KCNQ5: variants seen among roughly 807,000 people sequenced by gnomAD.
KCNQ5 encodes the protein potassium voltage-gated channel subfamily Q member 5, also known as potassium voltage-gated channel subfamily KQT member 5.
A neutral mutation model predicts 98.2 loss-of-function variants in KCNQ5; 30 were observed. The observed-to-expected ratio is 0.31, with a 90% CI of 0.23 to 0.41. The LOEUF is 0.41. Ranked by LOEUF, KCNQ5 falls within the 10% of genes least tolerant of loss-of-function variation. The pLI is 1.00. For missense variants in KCNQ5, 835 were observed against 1,182.5 expected, an observed-to-expected ratio of 0.71 and a Z score of 4.31; for synonymous variants, 458 against 449.4, an observed-to-expected ratio of 1.02 and a Z score of -0.24.
chr6:72,982,960 G>C (rs537849036), intron 1 of KCNQ5, among the ~76,000 whole-genome samples: 28 of 152,284 alleles, frequency 1.8e-4, no homozygotes, highest in South Asian at 1.0e-3. Context: ...GAAATTCTGG[G>C]TTGAAAATTC....
At chr6:73,135,090 C>T (rs1014579142) in intron 10 of KCNQ5, 5 of 152,098 alleles carry the variant, frequency 3.3e-5, no homozygotes, top group African/African-American at 1.2e-4. Flanking sequence ...TAGACACATC[C>T]CACCTACCAA....
At chr6:73,177,315 A>C (rs1313559038) in intron 11 of KCNQ5, among the ~76,000 whole-genome samples, 2 of 152,258 alleles carry the variant, frequency 1.3e-5, no homozygotes, top group African/African-American at 4.8e-5. Flanking sequence ...ATTTCTTTGT[A>C]ACTAGCAAAG....
At chr6:73,187,691 C>T (rs1765429014) in intron 11 of KCNQ5, among the ~76,000 whole-genome samples, 1 of 152,026 alleles carries the variant, frequency 6.6e-6, no homozygotes, top group African/African-American at 2.4e-5. Context: ...GTATTGATCA[C>T]AATTATAAAC....
chr6:73,127,279 A>G (rs1013493472), intron 9 of KCNQ5, among the ~76,000 whole-genome samples: 2 of 152,192 alleles, frequency 1.3e-5, no homozygotes, highest in Admixed American at 6.5e-5. Flanking sequence ...AACACCACCC[A>G]ACTGCAGAGT....
intron 11 of KCNQ5, among the ~76,000 whole-genome samples, chr6:73,172,866 A>G (rs1430571230): frequency 6.6e-6 from 1 of 152,244 alleles, no homozygotes; most frequent in Non-Finnish European, 1.5e-5. Flanking sequence ...AATGTGTAAC[A>G]AAAAATATGT....
intron 1 of KCNQ5, among the ~76,000 whole-genome samples, chr6:72,730,451 A>G (rs1770500526): frequency 6.6e-6 from 1 of 152,088 alleles, no homozygotes; most frequent in African/African-American, 2.4e-5. Flanking sequence ...TACTTTTGTT[A>G]TTTTATTTTG....
intron 13 of KCNQ5, 43 bp from the exon 14 acceptor site, chr6:73,194,409 A>G: frequency 6.5e-7 from 1 of 1,536,038 alleles, no homozygotes. Flanking sequence ...TCCATTCTTA[A>G]TAACAGATTA....
intron 1 of KCNQ5, among the ~76,000 whole-genome samples, chr6:72,894,965 C>A (rs1254668100): frequency 1.3e-5 from 2 of 151,976 alleles, no homozygotes; most frequent in Admixed American, 6.6e-5. Context: ...TGTGCACACA[C>A]ACACACAAGC....
intron 11 of KCNQ5, among the ~76,000 whole-genome samples, chr6:73,179,294 C>A (rs1362138700): frequency 6.6e-6 from 1 of 152,102 alleles, no homozygotes; most frequent in Admixed American, 6.5e-5. Context: ...CTCTCTGTGG[C>A]ACCCTGAGGC....
At chr6:73,076,796 T>G (rs1460110667) in intron 3 of KCNQ5, among the ~76,000 whole-genome samples, 2 of 152,140 alleles carry the variant, frequency 1.3e-5, no homozygotes, top group African/African-American at 4.8e-5. Context: ...TAGGGAATTT[T>G]GGGGGAAAGG....
At chr6:72,954,245 A>G (rs1766938412) in intron 1 of KCNQ5, among the ~76,000 whole-genome samples, 1 of 152,174 alleles carries the variant, frequency 6.6e-6, no homozygotes, top group Non-Finnish European at 1.5e-5. Context: ...AAAATCAAGC[A>G]TGTCAGATGC....
At chr6:73,092,109 C>G (rs557617563) in intron 5 of KCNQ5, among the ~76,000 whole-genome samples, 12 of 145,252 alleles carry the variant, frequency 8.3e-5, no homozygotes, top group Non-Finnish European at 1.8e-4. Context: ...TTTTTTGTTT[C>G]GTTTTGTTTT....
chr6:73,180,495 G>A (rs1215334879), intron 11 of KCNQ5, among the ~76,000 whole-genome samples: 1 of 152,158 alleles, frequency 6.6e-6, no homozygotes, highest in East Asian at 1.9e-4. Flanking sequence ...CCATGTCAAT[G>A]GGTCTGACAT....
intron 1 of KCNQ5, among the ~76,000 whole-genome samples, chr6:72,832,250 T>C (rs1053590139): frequency 6.6e-6 from 1 of 152,086 alleles, no homozygotes; most frequent in African/African-American, 2.4e-5. Flanking sequence ...GGATAAGATG[T>C]TTGGAAGAAT....
chr6:73,027,391 C>T (rs550652515), intron 2 of KCNQ5, among the ~76,000 whole-genome samples: 14 of 152,288 alleles, frequency 9.2e-5, no homozygotes, highest in African/African-American at 3.4e-4. Context: ...GTAATTTGTA[C>T]AGCTAGCTGT....
intron 1 of KCNQ5, among the ~76,000 whole-genome samples, chr6:72,888,956 C>T (rs996059768): frequency 3.3e-5 from 5 of 152,188 alleles, no homozygotes; most frequent in Middle Eastern, 3.4e-3. Flanking sequence ...GTGTCTGTGT[C>T]TCTGTGTGTT....
chr6:73,102,137 T>C (rs867859799), intron 5 of KCNQ5, among the ~76,000 whole-genome samples: 2 of 151,968 alleles, frequency 1.3e-5, no homozygotes, highest in East Asian at 1.9e-4. Flanking sequence ...ACCAAGAACA[T>C]GCAACGAGGA....
In KCNQ5 at chr6:73,129,809, A is replaced by G. The variant is rs1408192504; in HGVS notation, c.1248-3612A>G. 6.2e-7 allele frequency: 1 copy of G among 1,612,848 alleles called. No homozygotes were observed. Among genetic ancestry groups the G allele is most frequent in the African/African-American group, 1.3e-5 (1 of 74,902 alleles). ...CACTCCTAGTAAGTTCTGTAGTAAT[A>G]AGCAGAAGCTCTTCAGAATGTACAC... On this transcript the variant is annotated intron_variant, in intron 9 of 13. Transcript: ENST00000370398.
intron 1 of KCNQ5, among the ~76,000 whole-genome samples, chr6:72,669,251 A>C (rs573406118): frequency 6.6e-6 from 1 of 152,312 alleles, no homozygotes; most frequent in South Asian, 2.1e-4. Context: ...GGCTTCCAAA[A>C]TACAATGATG....
Sources: gnomAD v4.1 joint callset for allele counts (sites outside exome capture counted in the v4.1 genomes callset) on GRCh38, gnomAD v4.1.1 for gene constraint, MANE v1.5 for transcripts, NCBI Gene and HGNC (gene_info 2026-07-23, HGNC 2026-07-21) for gene names.